The following NLRP14 variants were observed in gnomAD, a reference collection of about 807,000 sequenced individuals.
NLRP14 encodes the protein NACHT, LRR and PYD domains-containing protein 14.
In NLRP14, 105 loss-of-function variants were observed where a neutral mutation model predicts 94.7. The ratio of observed to expected loss-of-function variants is 1.11; its 90% CI spans 0.95 to 1.30. The LOEUF (loss-of-function observed/expected upper bound fraction) is 1.30, where lower values mean the gene tolerates loss of function less well. Ranked by LOEUF, NLRP14 falls within the 50% of genes most tolerant of loss-of-function variation. NLRP14 has a pLI of 0.00. For missense variants in NLRP14, 1,362 were observed against 1,254.1 expected, an observed-to-expected ratio of 1.09 and a Z score of -1.30; for synonymous variants, 508 against 459.9, an observed-to-expected ratio of 1.10 and a Z score of -1.34.
At position 7,024,902 on chromosome 11, in the gene NLRP14, T is replaced by C. The variant is rs76353287; in HGVS notation, c.-22+4132T>C. On this transcript the variant is annotated intron_variant, in intron 1 of 11. Transcript: ENST00000299481. ...CTGAAAGCATAGAAGAGGAAAAAGATAGAGATGGAAATCATGAAAAAAAGA... is the reference window on the plus strand; with the variant it reads ...CTGAAAGCATAGAAGAGGAAAAAGACAGAGATGGAAATCATGAAAAAAAGA... Among the ~76,000 whole-genome samples, 375 of 152,074 alleles carry C rather than the reference T, an allele frequency of 2.5e-3. 3 individuals are homozygous for C. Among genetic ancestry groups the C allele is most frequent in the African/African-American group, 8.8e-3 (367 of 41,482 alleles).
At chr11:7,036,730 T>C (rs1852168212) in intron 1 of NLRP14, among the ~76,000 whole-genome samples, 1 of 152,126 alleles carries the variant, frequency 6.6e-6, no homozygotes, top group South Asian at 2.1e-4. Context: ...AAAAGTTCTA[T>C]TGCAGTGGAT....
At chr11:7,089,181 G>A in the NLRP14 span, 3 of 1,613,994 alleles carry the variant, frequency 1.9e-6, no homozygotes, top group East Asian at 2.2e-5. Context: ...CGAAACCGAC[G>A]AGAAAGCCCT....
At chr11:7,029,799 A>G (rs985549487) in intron 1 of NLRP14, among the ~76,000 whole-genome samples, 17 of 152,024 alleles carry the variant, frequency 1.1e-4, no homozygotes, top group African/African-American at 3.9e-4. Context: ...CTTTTCTCTC[A>G]CCCTACACTT....
In NLRP14 at chr11:7,070,420, TC is replaced by T; in HGVS notation, c.3111del (p.Leu1038Ter). 6.2e-7 allele frequency: 1 copy of T among 1,611,886 alleles called. No homozygotes were observed. Among genetic ancestry groups the T allele is most frequent in the Non-Finnish European group, 8.5e-7 (1 of 1,178,132 alleles). On this transcript the variant is annotated frameshift_variant, in exon 11 of 12. Coordinates refer to ENST00000299481, the MANE Select transcript of NLRP14 (RefSeq NM_176822.4). LOFTEE classifies it low-confidence loss of function (END_TRUNC). ...GYEGIVKLYK[V>X]LKSPKCKLQV... Reference sequence around the variant, plus strand: ...GAAGGAATTGTGAAGTTATATAAAGTCTTGAAGTCTCCTAAGTGTAAACTAC... The same window carrying T: ...GAAGGAATTGTGAAGTTATATAAAGTTTGAAGTCTCCTAAGTGTAAACTAC...
the NLRP14 span, among the ~76,000 whole-genome samples, chr11:7,085,524 A>G: frequency 6.6e-6 from 1 of 152,154 alleles, no homozygotes; most frequent in Non-Finnish European, 1.5e-5. Flanking sequence ...TAATGTCCTT[A>G]AGGTTCATCC....
the NLRP14 span, among the ~76,000 whole-genome samples, chr11:7,078,825 G>A: frequency 1.3e-5 from 2 of 152,100 alleles, no homozygotes; most frequent in South Asian, 2.1e-4. Context: ...AAAACAAGGA[G>A]GTATCCAAAT....
At chr11:7,035,023 G>T (rs192702547) in intron 1 of NLRP14, among the ~76,000 whole-genome samples, 1 of 152,202 alleles carries the variant, frequency 6.6e-6, no homozygotes, top group East Asian at 1.9e-4. Context: ...CATGGCTCAT[G>T]CCTGTCACCT....
chr11:7,047,704 A>AT (rs1348239533), intron 5 of NLRP14, among the ~76,000 whole-genome samples: 4 of 148,678 alleles, frequency 2.7e-5, no homozygotes, highest in Admixed American at 2.0e-4. Context: ...TTTTGGAATC[A>AT]TTTTGATTGA....
At chr11:7,034,481 G>A (rs183222788) in intron 1 of NLRP14, among the ~76,000 whole-genome samples, 67 of 152,222 alleles carry the variant, frequency 4.4e-4, no homozygotes, top group African/African-American at 1.5e-3. Context: ...ACCAAAATTT[G>A]GGCCTGGGTG....
intron 1 of NLRP14, among the ~76,000 whole-genome samples, chr11:7,022,427 T>A (rs1239041492): frequency 6.6e-6 from 1 of 152,204 alleles, no homozygotes; most frequent in Admixed American, 6.5e-5. Flanking sequence ...AGAATATGAC[T>A]GTGGCTTGAA....
At chr11:7,089,438 G>T in the NLRP14 span, 7 of 1,538,228 alleles carry the variant, frequency 4.6e-6, no homozygotes, top group Non-Finnish European at 6.1e-6. Context: ...GTCGCCCGAG[G>T]TTCCTGCGCG....
At chr11:7,059,032 T>C (rs1003704079) in intron 8 of NLRP14, among the ~76,000 whole-genome samples, 1 of 151,934 alleles carries the variant, frequency 6.6e-6, no homozygotes, top group African/African-American at 2.4e-5. Flanking sequence ...CTACAATCTT[T>C]TTGATCTGTA....
At chr11:7,031,631 G>T (rs1285992396) in intron 1 of NLRP14, among the ~76,000 whole-genome samples, 1 of 152,176 alleles carries the variant, frequency 6.6e-6, no homozygotes, top group African/African-American at 2.4e-5. Context: ...ACTTTCACCA[G>T]CCTTGACGAA....
At chr11:7,086,476 G>C in the NLRP14 span, among the ~76,000 whole-genome samples, 1 of 152,066 alleles carries the variant, frequency 6.6e-6, no homozygotes, top group African/African-American at 2.4e-5. Context: ...ATACTGTGTG[G>C]GCTTCAACAA....
rs142485585 is a variant in NLRP14, at chr11:7,043,645, G to T, written c.1619G>T (p.Arg540Leu). The change falls in exon 4 of 12, where the codon CGA becomes CTA. Residue 540 changes from arginine to leucine, a missense_variant. Coordinates refer to ENST00000299481, the MANE Select transcript of NLRP14 (RefSeq NM_176822.4). ...TTGTTTGGCCTTTTGAATGAAGATC[G>T]AGTAAAACAACTGGAGAGGACTTTT... ...CFLFGLLNED[R>L]VKQLERTFNC... is the part of the protein sequence containing the mutation. 1 of 1,613,900 alleles carries T rather than the reference G, an allele frequency of 6.2e-7. No individual in the cohort carries two copies. Among genetic ancestry groups the T allele is most frequent in the Non-Finnish European group, 8.5e-7 (1 of 1,179,974 alleles).
At chr11:7,023,475 CA>C (rs1851972473) in intron 1 of NLRP14, among the ~76,000 whole-genome samples, 2 of 143,548 alleles carry the variant, frequency 1.4e-5, no homozygotes, top group African/African-American at 2.5e-5. Context: ...TATTTTTACA[CA>C]AAAATATATA....
the NLRP14 span, among the ~76,000 whole-genome samples, chr11:7,085,301 AG>A: frequency 1.3e-5 from 2 of 152,212 alleles, no homozygotes; most frequent in African/African-American, 4.8e-5. Flanking sequence ...AGTAGTGTTA[AG>A]TGTATTCATA....
chr11:7,079,114 A>C, the NLRP14 span, among the ~76,000 whole-genome samples: 1 of 152,244 alleles, frequency 6.6e-6, no homozygotes, highest in African/African-American at 2.4e-5. Flanking sequence ...TTGTCAGGAC[A>C]TAGCCCTGTG....
At chr11:7,077,499 G>A in the NLRP14 span, among the ~76,000 whole-genome samples, 1 of 152,230 alleles carries the variant, frequency 6.6e-6, no homozygotes, top group African/African-American at 2.4e-5. Context: ...TGAATTAAAA[G>A]TCAGCCACTC....
Sources: allele counts gnomAD v4.1 joint callset (sites outside exome capture counted in the v4.1 genomes callset), GRCh38; gene constraint gnomAD v4.1.1; transcripts MANE v1.5; gene names NCBI Gene and HGNC (gene_info 2026-07-23, HGNC 2026-07-21).